FIGNL2: variants seen among roughly 807,000 people sequenced by gnomAD.
FIGNL2 encodes the protein fidgetin-like protein 2.
For synonymous variants in FIGNL2, 565 were observed against 484.0 expected, an observed-to-expected ratio of 1.17 and a Z score of -2.20; for missense variants, 1,060 against 950.2, an observed-to-expected ratio of 1.12 and a Z score of -1.52.
At position 51,820,262 on chromosome 12, in the gene FIGNL2, T is replaced by C; in HGVS notation, c.*190A>G. The C allele has an allele frequency of 7.0e-6, 5 of 715,626 alleles. No individual in the cohort carries two copies. Among genetic ancestry groups the C allele is most frequent in the Non-Finnish European group, 1.1e-5 (5 of 451,428 alleles). The allele number at this position is 715,626 out of a possible 1,614,324, so 44.3% of individuals were successfully genotyped here. A position where few individuals can be genotyped will look rare whatever the true frequency, so the allele number is the denominator to read the frequency against. On this transcript the variant is annotated 3_prime_UTR_variant, in exon 2 of 2. Coordinates refer to ENST00000618634, the MANE Select transcript of FIGNL2 (RefSeq NM_001384995.1). ...GAAAAACCTGAGTACACGGCGCATATGGCATCTGCCTGGCAGAAGCATTTT... is the reference window on the plus strand; with the variant it reads ...GAAAAACCTGAGTACACGGCGCATACGGCATCTGCCTGGCAGAAGCATTTT...
rs1389723174 is a variant in FIGNL2, at chr12:51,821,833, G to A, written c.581C>T (p.Pro194Leu). 4.7e-6 allele frequency: 6 copies of A among 1,278,174 alleles called. No individual in the cohort carries two copies. The highest frequency in any genetic ancestry group is 3.1e-5 in the African/African-American group (2 of 63,898). 79.2% of individuals were successfully genotyped at this position (1,278,174 alleles called of 1,614,324 possible). A position where few individuals can be genotyped will look rare whatever the true frequency, so the allele number is the denominator to read the frequency against. The change falls in exon 2 of 2, where the codon CCG becomes CTG. Residue 194 changes from proline (P) to leucine (L), a missense_variant. By Grantham distance (98) the Pro-to-Leu change is moderately conservative (BLOSUM62 -3). Transcript: ENST00000618634. Reference sequence around the variant, plus strand: ...CAGCGGCGCTGAGGGCCCGTACCCCGGAGGCGGTGGGGGCTGCAGGAGCGC... The same window carrying A: ...CAGCGGCGCTGAGGGCCCGTACCCCAGAGGCGGTGGGGGCTGCAGGAGCGC... ...PAALLQPPPP[P>L]GYGPSAPLYN...
chr12:51,821,154 G>T lies in FIGNL2; in HGVS notation c.1260C>A (p.Gly420=). ...GGACGGTCCGCGGCGGGCGCAGGCT[G>T]CCCGGGTAGGCGGGCGGCCTGAGCA... ...WPLLRPPAYP[G]SLRPPRTVLL... is the part of the protein sequence containing the mutation. Residue 420 remains glycine, a synonymous_variant, in exon 2 of 2, where the codon GGC becomes GGA. Coordinates refer to ENST00000618634, the MANE Select transcript of FIGNL2 (RefSeq NM_001384995.1). The T allele has an allele frequency of 6.8e-7, 1 of 1,471,038 alleles. No homozygotes were observed. The highest frequency in any genetic ancestry group is 2.9e-5 in the East Asian group (1 of 34,074). 91.1% of individuals were successfully genotyped at this position (1,471,038 alleles called of 1,614,324 possible). A position where few individuals can be genotyped will look rare whatever the true frequency, so the allele number is the denominator to read the frequency against.
chr12:51,826,724 A>G lies in FIGNL2; in HGVS notation c.-11-4300T>C, dbSNP rs184589213. Among the ~76,000 whole-genome samples, 121 of 152,064 alleles carry G rather than the reference A, an allele frequency of 8.0e-4. 1 individual carries two copies. The highest frequency in any genetic ancestry group is 7.9e-3 in the Admixed American group (121 of 15,262). On this transcript the variant is annotated intron_variant, in intron 1 of 1. Coordinates refer to ENST00000618634, the MANE Select transcript of FIGNL2 (RefSeq NM_001384995.1). ...CTGCTAAACTTAGTTCCATAGCGCT[A>G]CATTTTCCTTTAACCCCTTCCAAGA... is the stretch of plus-strand genomic sequence containing the variant.
chr12:51,822,187 T>C lies in FIGNL2; in HGVS notation c.227A>G (p.Glu76Gly), dbSNP rs751478642. The change falls in exon 2 of 2, where the codon GAG becomes GGG. Residue 76 changes from glutamate to glycine, a missense_variant. Transcript: ENST00000618634. ...KYSGVLDSPY[E>G]RPALGGYSDA... ...GCTGTACCCGCCCAGGGCCGGACGC[T>C]CGTAGGGAGAATCCAAGACCCCAGA... 2.7e-5 allele frequency: 44 copies of C among 1,611,790 alleles called. No homozygotes were observed. Among genetic ancestry groups the C allele is most frequent in the Non-Finnish European group, 3.7e-5 (44 of 1,179,066 alleles).
rs1939803903 is a variant in FIGNL2 at position 51,848,664 on chromosome 12, TC to T, written c.-137del. The T allele has an allele frequency of 1.6e-5, 7 of 451,344 alleles. No individual in the cohort carries two copies. Among genetic ancestry groups the T allele is most frequent in the Non-Finnish European group, 2.0e-5 (7 of 342,258 alleles). The allele number at this position is 451,344 out of a possible 1,614,324, so 28.0% of individuals were successfully genotyped here. A position where few individuals can be genotyped will look rare whatever the true frequency, so the allele number is the denominator to read the frequency against. On this transcript the variant is annotated 5_prime_UTR_variant, in exon 1 of 2. Coordinates refer to ENST00000618634, the MANE Select transcript of FIGNL2 (RefSeq NM_001384995.1). Reference sequence around the variant, plus strand: ...GGCTGGGGGGCAGTGGCGCTCACCATCCTGGAGCCGCTGCTGCTGCGGCTGC... The same window carrying T: ...GGCTGGGGGGCAGTGGCGCTCACCATCTGGAGCCGCTGCTGCTGCGGCTGC...
At chr12:51,838,804 C>T (rs1462080840) in intron 1 of FIGNL2, among the ~76,000 whole-genome samples, 1 of 152,146 alleles carries the variant, frequency 6.6e-6, no homozygotes, top group African/African-American at 2.4e-5. Flanking sequence ...CCCAGAAGGA[C>T]CCAACTCATT....
At chr12:51,836,761 G>GC (rs1183250746) in intron 1 of FIGNL2, among the ~76,000 whole-genome samples, 2 of 152,172 alleles carry the variant, frequency 1.3e-5, no homozygotes, top group Non-Finnish European at 2.9e-5. Flanking sequence ...TTCCTAACCA[G>GC]CTTGACCAGG....
rs552247486 is a variant in FIGNL2 at position 51,820,950 on chromosome 12, G to A, written c.1464C>T (p.Leu488=). 602 of 1,269,256 alleles carry A rather than the reference G, an allele frequency of 4.7e-4. 3 individuals carry two copies. The African/African-American group carries it at 7.8e-3, about 16-fold the overall frequency. 78.6% of individuals were successfully genotyped at this position (1,269,256 alleles called of 1,614,324 possible). The change falls in exon 2 of 2, where the codon CTC becomes CTT. Residue 488 remains leucine (L), a synonymous_variant. Coordinates refer to ENST00000618634, the MANE Select transcript of FIGNL2 (RefSeq NM_001384995.1). The part of the protein sequence containing the change: ...AAARCRPPSV[L]LISELEALLP... Reference sequence around the variant, plus strand: ...GCAGCGCCTCTAGCTCGCTGATGAGGAGTACGGAGGGTGGGCGGCAGCGCG... The same window carrying A: ...GCAGCGCCTCTAGCTCGCTGATGAGAAGTACGGAGGGTGGGCGGCAGCGCG...
intron 1 of FIGNL2, among the ~76,000 whole-genome samples, chr12:51,826,563 TG>T (rs1423592050): frequency 4.9e-5 from 7 of 142,220 alleles, no homozygotes; most frequent in Non-Finnish European, 9.0e-5. Flanking sequence ...ATCTTGAACC[TG>T]GGAGGTGGAG....
intron 1 of FIGNL2, among the ~76,000 whole-genome samples, chr12:51,832,857 C>G (rs1939498641): frequency 6.6e-6 from 1 of 152,200 alleles, no homozygotes; most frequent in Admixed American, 6.5e-5. Flanking sequence ...ACATCCGCAA[C>G]CTAGCCCTCC....
chr12:51,821,038 G>A lies in FIGNL2; in HGVS notation c.1376C>T (p.Ala459Val), dbSNP rs1229806344. 1.0e-5 allele frequency: 12 copies of A among 1,187,836 alleles called. No homozygotes were observed. Among genetic ancestry groups the A allele is most frequent in the South Asian group, 8.2e-5 (2 of 24,254 alleles). The allele number at this position is 1,187,836 out of a possible 1,614,324, so 73.6% of individuals were successfully genotyped here. The change falls in exon 2 of 2, where the codon GCG becomes GTG. Residue 459 changes from alanine to valine, a missense_variant. Physicochemically the swap from Ala to Val is moderately conservative, Grantham distance 64. Transcript: ENST00000618634. Reference sequence around the variant, plus strand: ...GGCGGCGCCGGGCGCAGCCAGGGTCGCGCCGCGCAGGCGCAACAGCGTGGC... The same window carrying A: ...GGCGGCGCCGGGCGCAGCCAGGGTCACGCCGCGCAGGCGCAACAGCGTGGC... ...LGATLLRLRG[A>V]TLAAPGAAEG...
rs1391173607 is a variant in FIGNL2, at chr12:51,820,278, G to A, written c.*174C>T. On this transcript the variant is annotated 3_prime_UTR_variant, in exon 2 of 2. Transcript: ENST00000618634. ...CGGCGCATATGGCATCTGCCTGGCA[G>A]AAGCATTTTCCTTCCCACGAAAAAA... The A allele has an allele frequency of 2.4e-6, 2 of 841,552 alleles. No homozygotes were observed. The highest frequency in any genetic ancestry group is 3.6e-5 in the South Asian group (2 of 55,190). The allele number at this position is 841,552 out of a possible 1,614,324, so 52.1% of individuals were successfully genotyped here.
rs1306664371 is a variant in FIGNL2 at position 51,821,600 on chromosome 12, C to T, written c.814G>A (p.Glu272Lys). 2 of 1,505,932 alleles carry T rather than the reference C, an allele frequency of 1.3e-6. No individual in the cohort carries two copies. Among genetic ancestry groups the T allele is most frequent in the Non-Finnish European group, 1.8e-6 (2 of 1,133,396 alleles). The allele number at this position is 1,505,932 out of a possible 1,614,324, so 93.3% of individuals were successfully genotyped here. Residue 272 changes from glutamate to lysine, a missense_variant, in exon 2 of 2, where the codon GAG becomes AAG. Transcript: ENST00000618634. ...GLSLKRKAAD[E>K]GPEGRYRKYA... ...TTGCGGTAGCGGCCCTCGGGCCCCTCGTCGGCGGCCTTGCGCTTCAGCGAC... is the reference window on the plus strand; with the variant it reads ...TTGCGGTAGCGGCCCTCGGGCCCCTTGTCGGCGGCCTTGCGCTTCAGCGAC...
chr12:51,843,544 CAA>C (rs5798189), intron 1 of FIGNL2, among the ~76,000 whole-genome samples: 11 of 125,026 alleles, frequency 8.8e-5, no homozygotes, highest in Non-Finnish European at 8.5e-5. Flanking sequence ...GAGACAATCT[CAA>C]AAAAAAAAAA....
Position 51,822,001 on chromosome 12 carries a change from T to A in FIGNL2, c.413A>T (p.Asn138Ile). The A allele has an allele frequency of 6.3e-7, 1 of 1,589,902 alleles. No individual in the cohort carries two copies. The highest frequency in any genetic ancestry group is 8.6e-7 in the Non-Finnish European group (1 of 1,169,306). ...GCCGGCGTAGAGGGGTTCAGGGAGGTTCCCGGCTAAAACTGGGGAGCCCCC... is the reference window on the plus strand; with the variant it reads ...GCCGGCGTAGAGGGGTTCAGGGAGGATCCCGGCTAAAACTGGGGAGCCCCC... ...ALGGSPVLAG[N>I]LPEPLYAGNA... Residue 138 changes from asparagine (N) to isoleucine (I), a missense_variant, in exon 2 of 2, where the codon AAC (asparagine) becomes ATC (isoleucine). By Grantham distance (149) the Asn-to-Ile change is moderately radical (BLOSUM62 -3). Transcript: ENST00000618634.
Position 51,821,466 on chromosome 12 carries a change from G to A in FIGNL2, c.948C>T (p.Ala316=). Residue 316 remains alanine (A), a synonymous_variant, in exon 2 of 2, where the codon GCC becomes GCT. Coordinates refer to ENST00000618634, the MANE Select transcript of FIGNL2 (RefSeq NM_001384995.1). Reference sequence around the variant, plus strand: ...CGTACTTGCCCGACGCCTCCTCCGCGGCTCCTGGCGGCTTGGCCCGGAACC... The same window carrying A: ...CGTACTTGCCCGACGCCTCCTCCGCAGCTCCTGGCGGCTTGGCCCGGAACC... ...GNGFRAKPPG[A]AEEASGKYGG... The A allele has an allele frequency of 6.5e-7, 1 of 1,542,158 alleles. No homozygotes were observed.
intron 1 of FIGNL2, among the ~76,000 whole-genome samples, chr12:51,837,676 C>T (rs562531484): frequency 2.6e-5 from 4 of 152,344 alleles, no homozygotes; most frequent in African/African-American, 7.2e-5. Context: ...CCCTGGGATG[C>T]TCAGGCCACC....
rs1452650035 is a variant in FIGNL2 at position 51,821,216 on chromosome 12, G to C, written c.1198C>G (p.Leu400Val). The C allele has an allele frequency of 3.9e-6, 6 of 1,521,492 alleles. No homozygotes were observed. Among genetic ancestry groups the C allele is most frequent in the Non-Finnish European group, 5.3e-6 (6 of 1,141,134 alleles). The allele number at this position is 1,521,492 out of a possible 1,614,324, so 94.2% of individuals were successfully genotyped here. A position where few individuals can be genotyped will look rare whatever the true frequency, so the allele number is the denominator to read the frequency against. Reference sequence around the variant, plus strand: ...AGCTCCTCCTCCAGCGCCGCCTTGAGCGCGCCCTGGCCCGCCACATCCGCC... The same window carrying C: ...AGCTCCTCCTCCAGCGCCGCCTTGACCGCGCCCTGGCCCGCCACATCCGCC... ...QWADVAGQGALKAALEEELVW... is the reference protein window; with the variant it reads ...QWADVAGQGAVKAALEEELVW... Residue 400 changes from leucine to valine, a missense_variant, in exon 2 of 2, where the codon CTC (leucine) becomes GTC (valine). Transcript: ENST00000618634.
intron 1 of FIGNL2, among the ~76,000 whole-genome samples, chr12:51,846,349 G>A: frequency 6.6e-6 from 1 of 152,230 alleles, no homozygotes; most frequent in Admixed American, 6.5e-5. Context: ...TAAGGAGGTT[G>A]TGGAAAGACA....
Sources: allele counts gnomAD v4.1 joint callset (sites outside exome capture counted in the v4.1 genomes callset), GRCh38; gene constraint gnomAD v4.1.1; transcripts MANE v1.5; gene names NCBI Gene and HGNC (gene_info 2026-07-23, HGNC 2026-07-21).